TMEM170B: variants seen among roughly 807,000 people sequenced by gnomAD.
TMEM170B encodes the protein transmembrane protein 170B.
TMEM170B carries 6 observed loss-of-function variants against 13.0 expected under a neutral mutation model. The ratio of observed to expected loss-of-function variants is 0.46; its 90% CI spans 0.25 to 0.91. The LOEUF is 0.91. Among genes scored for constraint, TMEM170B ranks in the 40% least tolerant of loss-of-function variants. The pLI, the probability that TMEM170B is intolerant of heterozygous loss-of-function variation, is 0.17. For synonymous variants in TMEM170B, 61 were observed against 64.9 expected, an observed-to-expected ratio of 0.94 and a Z score of 0.29; for missense variants, 138 against 165.2, an observed-to-expected ratio of 0.84 and a Z score of 0.90.
chr6:11,546,012 TAAAAAA>T (rs35584418), intron 1 of TMEM170B, among the ~76,000 whole-genome samples: 2 of 95,562 alleles, frequency 2.1e-5, no homozygotes, highest in African/African-American at 7.8e-5. Flanking sequence ...ACTCCGTCTT[TAAAAAA>T]AAAAAAAAAA....
At chr6:11,542,565 C>T (rs967717767) in intron 1 of TMEM170B, among the ~76,000 whole-genome samples, 3 of 152,034 alleles carry the variant, frequency 2.0e-5, no homozygotes, top group Non-Finnish European at 2.9e-5. Flanking sequence ...AAATTCTAGG[C>T]GTCAGGATAA....
At chr6:11,569,056 G>A (rs1435503327) in intron 2 of TMEM170B, among the ~76,000 whole-genome samples, 5 of 152,054 alleles carry the variant, frequency 3.3e-5, no homozygotes, top group Admixed American at 6.6e-5. Flanking sequence ...GTGATTATTA[G>A]TGAATTTGAG....
chr6:11,538,900 T>C (rs1759321908), intron 1 of TMEM170B, among the ~76,000 whole-genome samples: 3 of 152,200 alleles, frequency 2.0e-5, no homozygotes, highest in Non-Finnish European at 4.4e-5. Context: ...TTATAGTGGG[T>C]CAGGGGCTGA....
In TMEM170B at chr6:11,576,302, T is replaced by C. The variant is rs1759873987; in HGVS notation, c.*741T>C. 6.6e-6 allele frequency: 1 copy of C among 152,194 alleles called. No individual in the cohort carries two copies. Among genetic ancestry groups the C allele is most frequent in the South Asian group, 2.1e-4 (1 of 4,836 alleles). 9.4% of individuals were successfully genotyped at this position (152,194 alleles called of 1,614,324 possible). ...CTCTCATGCATCCATATTCTGTTTATACAAATTCAGAAACTTGAAGGGTCA... is the reference window on the plus strand; with the variant it reads ...CTCTCATGCATCCATATTCTGTTTACACAAATTCAGAAACTTGAAGGGTCA... On this transcript the variant is annotated 3_prime_UTR_variant, in exon 3 of 3. Coordinates refer to ENST00000379426, the MANE Select transcript of TMEM170B (RefSeq NM_001100829.3).
chr6:11,573,038 G>A (rs1344112799), intron 2 of TMEM170B, among the ~76,000 whole-genome samples: 1 of 152,084 alleles, frequency 6.6e-6, no homozygotes, highest in Non-Finnish European at 1.5e-5. Context: ...TGTATTGATT[G>A]TGTGTGTTTA....
chr6:11,552,936 A>G (rs1346165725), intron 1 of TMEM170B, among the ~76,000 whole-genome samples: 2 of 152,162 alleles, frequency 1.3e-5, no homozygotes, highest in Non-Finnish European at 1.5e-5. Flanking sequence ...GTAAATCAGT[A>G]AGGGGTGGTC....
At chr6:11,561,754 T>G (rs182985635) in intron 1 of TMEM170B, among the ~76,000 whole-genome samples, 1 of 152,316 alleles carries the variant, frequency 6.6e-6, no homozygotes. Context: ...GACATTAGGG[T>G]ACTTTGTTCA....
chr6:11,571,587 G>T (rs746066164), intron 2 of TMEM170B, among the ~76,000 whole-genome samples: 2 of 151,828 alleles, frequency 1.3e-5, no homozygotes, highest in African/African-American at 4.8e-5. Context: ...TGGCAGATCC[G>T]CATGCGTTAT....
At position 11,569,711 on chromosome 6, in the gene TMEM170B, A is replaced by G. The variant is rs1759776500; in HGVS notation, c.268+3875A>G. Among the ~76,000 whole-genome samples the G allele has an allele frequency of 2.0e-5, 3 of 152,096 alleles. No homozygotes were observed. The South Asian group carries it at 6.2e-4, about 31-fold the overall frequency. ...TGTTTTAGGTATTAGATAGGATTCT[A>G]TGTGTTTTTTTCCCCCACTGCCATA... On this transcript the variant is annotated intron_variant, in intron 2 of 2. Transcript: ENST00000379426.
chr6:11,567,810 C>A (rs144131503), intron 2 of TMEM170B, among the ~76,000 whole-genome samples: 1 of 152,088 alleles, frequency 6.6e-6, no homozygotes, highest in Non-Finnish European at 1.5e-5. Context: ...AAGATAGAAC[C>A]GAGCCAGATT....
rs1759942015 is a variant in TMEM170B, at chr6:11,580,551, A to C, written c.*4990A>C. On this transcript the variant is annotated 3_prime_UTR_variant, in exon 3 of 3. Transcript: ENST00000379426. ...GATTTCGATTGCAGAGAAATTTGGT[A>C]ACACTTTTTGGGTAACTGGGTAAAT... 6.6e-6 allele frequency: 1 copy of C among 152,234 alleles called. No individual in the cohort carries two copies. The highest frequency in any genetic ancestry group is 6.5e-5 in the Admixed American group (1 of 15,282). The allele number at this position is 152,234 out of a possible 1,614,324, so 9.4% of individuals were successfully genotyped here.
At position 11,546,173 on chromosome 6, in the gene TMEM170B, A is replaced by T. The variant is rs1329994540; in HGVS notation, c.97+7799A>T. 2.6e-5 allele frequency among the ~76,000 whole-genome samples: 4 copies of T among 152,236 alleles called. No individual in the cohort carries two copies. In the East Asian group the frequency reaches 5.8e-4, roughly 22 times the overall value. On this transcript the variant is annotated intron_variant, in intron 1 of 2. Coordinates refer to ENST00000379426, the MANE Select transcript of TMEM170B (RefSeq NM_001100829.3). Reference sequence around the variant, plus strand: ...ATGGGACAAAGTGTGGAGGTGGAAGACAGTGATATTGATGATCCTGACCCT... The same window carrying T: ...ATGGGACAAAGTGTGGAGGTGGAAGTCAGTGATATTGATGATCCTGACCCT...
chr6:11,550,954 C>A (rs1385845184), intron 1 of TMEM170B, among the ~76,000 whole-genome samples: 5 of 152,168 alleles, frequency 3.3e-5, no homozygotes, highest in African/African-American at 1.2e-4. Context: ...TTATCTATTG[C>A]TGAATGACAT....
chr6:11,558,640 A>G (rs1759620592), intron 1 of TMEM170B, among the ~76,000 whole-genome samples: 1 of 152,132 alleles, frequency 6.6e-6, no homozygotes, highest in Non-Finnish European at 1.5e-5. Context: ...CACCTCCAAC[A>G]TGATTATCTA....
At chr6:11,559,476 G>A (rs1352503557) in intron 1 of TMEM170B, among the ~76,000 whole-genome samples, 1 of 152,124 alleles carries the variant, frequency 6.6e-6, no homozygotes, top group Non-Finnish European at 1.5e-5. Flanking sequence ...ATGAGCTACT[G>A]TGCCCAGCTT....
At chr6:11,560,488 G>A (rs946355405) in intron 1 of TMEM170B, among the ~76,000 whole-genome samples, 2 of 150,536 alleles carry the variant, frequency 1.3e-5, no homozygotes, top group Non-Finnish European at 2.9e-5. Flanking sequence ...GTACATGCCT[G>A]TAGTAGCAGC....
Position 11,580,727 on chromosome 6 carries a change from A to T in TMEM170B, c.*5166A>T, listed in dbSNP as rs890722637. 16 of 152,268 alleles carry T rather than the reference A, an allele frequency of 1.1e-4. No individual in the cohort carries two copies. The highest frequency in any genetic ancestry group is 3.6e-4 in the African/African-American group (15 of 41,472). The allele number at this position is 152,268 out of a possible 1,614,324, so 9.4% of individuals were successfully genotyped here. On this transcript the variant is annotated 3_prime_UTR_variant, in exon 3 of 3. Transcript: ENST00000379426. ...TAAAAAGGATATTATTTGATTAAAA[A>T]TTATAGCATTTGGAGAGGTAACACA...
chr6:11,539,608 T>A (rs1348686181), intron 1 of TMEM170B, among the ~76,000 whole-genome samples: 1 of 152,230 alleles, frequency 6.6e-6, no homozygotes, highest in East Asian at 1.9e-4. Flanking sequence ...CTATCCTCAC[T>A]TTTAAGCTGT....
At chr6:11,549,746 G>A (rs1449257572) in intron 1 of TMEM170B, among the ~76,000 whole-genome samples, 4 of 151,796 alleles carry the variant, frequency 2.6e-5, no homozygotes, top group African/African-American at 9.7e-5. Context: ...AGCATTGAAA[G>A]AAAAAGATTT....
Sources: allele counts gnomAD v4.1 joint callset (sites outside exome capture counted in the v4.1 genomes callset), GRCh38; gene constraint gnomAD v4.1.1; transcripts MANE v1.5; gene names NCBI Gene and HGNC (gene_info 2026-07-23, HGNC 2026-07-21).